The following CCDC62 variants were observed in gnomAD, a reference collection of about 807,000 sequenced individuals.
CCDC62 encodes coiled-coil domain-containing protein 62.
A neutral mutation model predicts 80.8 loss-of-function variants in CCDC62; 72 were observed. That is an observed-to-expected ratio of 0.89 (90% CI 0.74 to 1.08). The LOEUF (loss-of-function observed/expected upper bound fraction) is 1.08, where lower values mean the gene tolerates loss of function less well. Among genes scored for constraint, CCDC62 ranks in the 50% least tolerant of loss-of-function variants. The probability of loss-of-function intolerance (pLI) is 0.00; values close to 1 mark genes in which losing one functional copy is unlikely to be tolerated. For missense variants in CCDC62, 704 were observed against 809.4 expected (o/e 0.87, Z 1.58); for synonymous variants, 286 against 296.5 (o/e 0.96, Z 0.36).
intron 11 of CCDC62, 128 bp downstream of exon 11, chr12:122,813,547 A>G (rs1470888884): frequency 1.2e-6 from 1 of 805,022 alleles, no homozygotes; most frequent in African/African-American, 1.8e-5. Flanking sequence ...CTAGGGAGGA[A>G]AGGGAACATG....
chr12:122,798,275 T>C (rs1377720137), intron 8 of CCDC62, 75 bp downstream of exon 8: 1 of 783,640 alleles, frequency 1.3e-6, no homozygotes, highest in African/African-American at 1.7e-5. Context: ...GCACTTACTG[T>C]TGGCCAGTAC....
intron 4 of CCDC62, among the ~76,000 whole-genome samples, chr12:122,788,077 G>T (rs1003428349): frequency 2.0e-5 from 3 of 152,316 alleles, no homozygotes; most frequent in African/African-American, 7.2e-5. Context: ...CATTTATGAT[G>T]CTGTAGCAGA....
At position 122,774,682 on chromosome 12, in the gene CCDC62, G is replaced by C. The variant is rs369682662; in HGVS notation, c.12G>C (p.Pro4=). The C allele has an allele frequency of 2.9e-5, 37 of 1,256,160 alleles. No homozygotes were observed. The African/African-American group carries it at 5.2e-4, about 18-fold the overall frequency. The allele number at this position is 1,256,160 out of a possible 1,614,324, so 77.8% of individuals were successfully genotyped here. A position where few individuals can be genotyped will look rare whatever the true frequency, so the allele number is the denominator to read the frequency against. MNP[P]AAFLAGRQNI... ...CGGAGGAAACACCTATGAACCCTCC[G>C]GCAGCCTTCCTTGCCGGGCGCCAGG... The change falls in exon 1 of 13, where the codon CCG becomes CCC. Residue 4 remains proline, a synonymous_variant. Coordinates refer to ENST00000253079, the MANE Select transcript of CCDC62 (RefSeq NM_201435.5).
intron 9 of CCDC62, 146 bp downstream of exon 9, chr12:122,801,998 C>T (rs978121685): frequency 2.4e-6 from 2 of 849,788 alleles, no homozygotes; most frequent in Non-Finnish European, 3.7e-6. Flanking sequence ...CCAATGGTTC[C>T]CTCTTTTCAT....
chr12:122,780,168 A>G (rs1879749400), intron 2 of CCDC62, among the ~76,000 whole-genome samples: 1 of 146,496 alleles, frequency 6.8e-6, no homozygotes, highest in Non-Finnish European at 1.5e-5. Flanking sequence ...AAAAATAGCC[A>G]GACATGGTGG....
At chr12:122,810,760 G>A (rs550720569) in intron 10 of CCDC62, among the ~76,000 whole-genome samples, 2 of 152,174 alleles carry the variant, frequency 1.3e-5, no homozygotes, top group East Asian at 3.9e-4. Context: ...GCAAAGACCT[G>A]GAACCAACCC....
At chr12:122,807,867 TGTCCCTC>T (rs1043940417) in intron 10 of CCDC62, among the ~76,000 whole-genome samples, 20 of 152,338 alleles carry the variant, frequency 1.3e-4, no homozygotes, top group African/African-American at 4.8e-4. Flanking sequence ...CAAACTTTTG[TGTCCCTC>T]TTGTTTCTTT....
chr12:122,774,755 T>C (rs1879305477), intron 1 of CCDC62, 49 bp downstream of exon 1: 11 of 1,209,386 alleles, frequency 9.1e-6, no homozygotes, highest in Non-Finnish European at 1.0e-5. Context: ...ACGGTGCACA[T>C]TGGTCGAAAT....
chr12:122,783,615 T>G (rs982072047), intron 3 of CCDC62, among the ~76,000 whole-genome samples: 5 of 152,256 alleles, frequency 3.3e-5, no homozygotes, highest in African/African-American at 1.2e-4. Context: ...TATTTTATGG[T>G]TTTTAAAAGA....
chr12:122,780,925 T>C (rs1338856547), intron 2 of CCDC62, among the ~76,000 whole-genome samples: 1 of 152,148 alleles, frequency 6.6e-6, no homozygotes, highest in East Asian at 1.9e-4. Flanking sequence ...AGGGTCATGG[T>C]TGGGAACGCG....
In CCDC62 at chr12:122,774,702, G is replaced by T. The variant is rs1263751349; in HGVS notation, c.32G>T (p.Arg11Leu). 1.8e-5 allele frequency: 22 copies of T among 1,256,422 alleles called. No individual in the cohort carries two copies. The highest frequency in any genetic ancestry group is 3.1e-5 in the African/African-American group (2 of 64,900). 77.8% of individuals were successfully genotyped at this position (1,256,422 alleles called of 1,614,324 possible). MNPPAAFLAG[R>L]QNIGSEVEIS... is the part of the protein sequence containing the mutation. ...CCTCCGGCAGCCTTCCTTGCCGGGC[G>T]CCAGGTAAGCAGCGGTTCCGGGCGC... Residue 11 changes from arginine to leucine, a missense_variant, in exon 1 of 13, where the codon CGC (arginine) becomes CTC (leucine). By Grantham distance (102) the Arg-to-Leu change is moderately radical (BLOSUM62 -2). Transcript: ENST00000253079.
At chr12:122,800,488 C>T (rs967878770) in intron 8 of CCDC62, among the ~76,000 whole-genome samples, 27 of 147,838 alleles carry the variant, frequency 1.8e-4, no homozygotes, top group Admixed American at 3.4e-4. Context: ...GTGCCAATGG[C>T]GCGATCTCAG....
At chr12:122,817,689 G>C (rs951075420) in intron 11 of CCDC62, among the ~76,000 whole-genome samples, 1 of 152,142 alleles carries the variant, frequency 6.6e-6, no homozygotes, top group African/African-American at 2.4e-5. Context: ...CGTGGCTTCA[G>C]GTTGTTCTCT....
chr12:122,821,561 C>T (rs1012447616), intron 11 of CCDC62, among the ~76,000 whole-genome samples: 1 of 152,154 alleles, frequency 6.6e-6, no homozygotes, highest in African/African-American at 2.4e-5. Context: ...GCGGTCCTCC[C>T]ACTTCAGCCT....
intron 8 of CCDC62, among the ~76,000 whole-genome samples, chr12:122,800,736 A>T (rs561044318): frequency 8.0e-5 from 12 of 150,342 alleles, no homozygotes; most frequent in East Asian, 7.9e-4. Context: ...CTCAAAAAAA[A>T]TTTTTTTTAA....
chr12:122,795,197 C>T (rs2030863259), intron 6 of CCDC62, among the ~76,000 whole-genome samples: 1 of 151,496 alleles, frequency 6.6e-6, no homozygotes, highest in African/African-American at 2.4e-5. Context: ...ACTGCAGGCA[C>T]ACGTCACGAC....
At chr12:122,789,972 A>C (rs2030500348) in intron 5 of CCDC62, among the ~76,000 whole-genome samples, 1 of 152,184 alleles carries the variant, frequency 6.6e-6, no homozygotes, top group African/African-American at 2.4e-5. Context: ...GTTTATATAC[A>C]CCGAGGTAAA....
chr12:122,778,995 G>A (rs1213094189), intron 2 of CCDC62, among the ~76,000 whole-genome samples: 1 of 152,144 alleles, frequency 6.6e-6, no homozygotes, highest in Non-Finnish European at 1.5e-5. Context: ...GTTTAAAATG[G>A]TTGCTCATTA....
intron 8 of CCDC62, among the ~76,000 whole-genome samples, chr12:122,800,774 AAGAG>A (rs34306275): frequency 0.82 from 124,421 of 151,832 alleles, 52,198 homozygotes; most frequent in Middle Eastern, 0.92. Context: ...GCATTATGGA[AAGAG>A]AGAGTTGTAT....
Sources: gnomAD v4.1 joint callset for allele counts (sites outside exome capture counted in the v4.1 genomes callset) on GRCh38, gnomAD v4.1.1 for gene constraint, MANE v1.5 for transcripts, NCBI Gene and HGNC (gene_info 2026-07-23, HGNC 2026-07-21) for gene names.